Variants in LAMB4 observed in about 807,000 individuals in gnomAD.
The protein encoded by LAMB4 is laminin subunit beta 4, also known as laminin subunit beta-4.
In LAMB4, 196 loss-of-function variants were observed where a neutral mutation model predicts 199.2. The ratio of observed to expected loss-of-function variants is 0.98; its 90% confidence interval spans 0.88 to 1.11. The LOEUF is 1.11. Ranked by LOEUF, LAMB4 falls within the 50% of genes least tolerant of loss-of-function variation. The probability of loss-of-function intolerance (pLI) is 0.00; values close to 1 mark genes in which losing one functional copy is unlikely to be tolerated. For synonymous variants in LAMB4, 744 were observed against 770.6 expected (o/e 0.97, Z 0.57); for missense variants, 2,080 against 2,171.2 (o/e 0.96, Z 0.83).
At chr7:108,111,670 T>C in intron 4 of LAMB4, 141 bp downstream of exon 4, 1 of 641,442 alleles carries the variant, frequency 1.6e-6, no homozygotes, top group Non-Finnish European at 2.6e-6. Flanking sequence ...TGTATTCTTA[T>C]ATGGGTCTCT....
At chr7:108,128,351 C>A (rs1438916347) in intron 1 of LAMB4, among the ~76,000 whole-genome samples, 2 of 152,146 alleles carry the variant, frequency 1.3e-5, no homozygotes, top group African/African-American at 4.8e-5. Context: ...ATGACAGACG[C>A]TACTGGCATT....
chr7:108,117,720 T>C (rs901331735), intron 2 of LAMB4, among the ~76,000 whole-genome samples: 1 of 152,228 alleles, frequency 6.6e-6, no homozygotes, highest in Non-Finnish European at 1.5e-5. Context: ...CAAGGGCTGC[T>C]GGTTGCCCAT....
At position 108,069,761 on chromosome 7, in the gene LAMB4, G is replaced by A. The variant is rs1435003219; in HGVS notation, c.2249C>T (p.Ala750Val). 3.1e-6 allele frequency: 5 copies of A among 1,613,904 alleles called. No homozygotes were observed. The South Asian group carries it at 5.5e-5, about 18-fold the overall frequency. ...SAMGPQVLPG[A>V]CERLIISMSA... ...CATGCTGATGATCAGCCTTTCACAG[G>A]CACCCGGGAGCACTTGAGGTCCCAT... Residue 750 changes from alanine to valine, a missense_variant, in exon 18 of 34, where the codon GCC becomes GTC. Transcript: ENST00000388781.
At chr7:108,120,877 T>C (rs979875177) in intron 2 of LAMB4, among the ~76,000 whole-genome samples, 2 of 152,258 alleles carry the variant, frequency 1.3e-5, no homozygotes, top group African/African-American at 4.8e-5. Flanking sequence ...AACTTGTTTT[T>C]GTCAGAATTT....
At chr7:108,065,414 G>A (rs2150552671) in intron 21 of LAMB4, among the ~76,000 whole-genome samples, 1 of 152,118 alleles carries the variant, frequency 6.6e-6, no homozygotes, top group East Asian at 1.9e-4. Flanking sequence ...TTTTTTAGTT[G>A]CTTGTTATAT....
chr7:108,092,528 T>C (rs1584734915), intron 12 of LAMB4, 112 bp from the exon 13 acceptor site: 2 of 789,052 alleles, frequency 2.5e-6, no homozygotes, highest in Non-Finnish European at 2.2e-6. Context: ...CCAAACAGCC[T>C]GCACCATCTC....
At chr7:108,123,089 G>GA in intron 2 of LAMB4, 42 bp downstream of exon 2, 1 of 1,559,762 alleles carries the variant, frequency 6.4e-7, no homozygotes, top group Non-Finnish European at 8.7e-7. Context: ...AATATTTTAG[G>GA]ACAGCGCAAG....
chr7:108,077,058 C>A lies in LAMB4; in HGVS notation c.2010G>T (p.Met670Ile), dbSNP rs200365401. The A allele has an allele frequency of 1.0e-4, 165 of 1,613,284 alleles. No individual in the cohort carries two copies. Among genetic ancestry groups the A allele is most frequent in the Non-Finnish European group, 1.3e-4 (152 of 1,179,674 alleles). ...CTAAACAGATGGGTGTGGGAAGCAG[C>A]ATGATTCTGTATTAAGAAAGATAAA... ...SFALPAATRI[M>I]LLPTPICLEP... Residue 670 changes from methionine to isoleucine, a missense_variant, in exon 17 of 34, where the codon ATG (methionine) becomes ATT (isoleucine). Coordinates refer to ENST00000388781, the MANE Select transcript of LAMB4 (RefSeq NM_007356.3).
intron 3 of LAMB4, among the ~76,000 whole-genome samples, chr7:108,114,094 C>T (rs530116210): frequency 6.6e-6 from 1 of 152,256 alleles, no homozygotes; most frequent in African/African-American, 2.4e-5. Flanking sequence ...GCTCAGGCAA[C>T]AGTAAGCAAA....
At chr7:108,112,740 C>T (rs1477597786) in intron 3 of LAMB4, among the ~76,000 whole-genome samples, 4 of 152,210 alleles carry the variant, frequency 2.6e-5, no homozygotes, top group Admixed American at 2.6e-4. Context: ...GCAGTTATTC[C>T]TGGCTAATAC....
chr7:108,130,318 G>A lies in LAMB4; in HGVS notation c.-46C>T, dbSNP rs1322324131. ...AGGCAAGACTTACCAGGATCTGGGAGTCTTTGTGGAGAGGTTCAGGCAGCA... is the reference window on the plus strand; with the variant it reads ...AGGCAAGACTTACCAGGATCTGGGAATCTTTGTGGAGAGGTTCAGGCAGCA... On this transcript the variant is annotated 5_prime_UTR_variant, in exon 1 of 34. Transcript: ENST00000388781. 6.6e-6 allele frequency: 1 copy of A among 152,168 alleles called. No homozygotes were observed. The highest frequency in any genetic ancestry group is 1.5e-5 in the Non-Finnish European group (1 of 68,044). The allele number at this position is 152,168 out of a possible 1,614,324, so 9.4% of individuals were successfully genotyped here. A position where few individuals can be genotyped will look rare whatever the true frequency, so the allele number is the denominator to read the frequency against.
intron 11 of LAMB4, among the ~76,000 whole-genome samples, chr7:108,097,339 G>C (rs58228770): frequency 1.3e-5 from 2 of 152,162 alleles, no homozygotes; most frequent in African/African-American, 4.8e-5. Context: ...CTATAGCTAA[G>C]GGTCTGCTCA....
chr7:108,020,282 G>A (rs571596107), downstream of LAMB4, among the ~76,000 whole-genome samples: 8 of 151,978 alleles, frequency 5.3e-5, no homozygotes, highest in East Asian at 1.4e-3. Flanking sequence ...AACCAGCCTG[G>A]CCAACATGGT....
chr7:108,089,165 C>T (rs1181653612), intron 14 of LAMB4, among the ~76,000 whole-genome samples: 2 of 152,108 alleles, frequency 1.3e-5, no homozygotes, highest in Non-Finnish European at 2.9e-5. Flanking sequence ...ATGTAAGTTC[C>T]CTCAATCATC....
At chr7:108,078,951 G>T (rs1331981376) in intron 15 of LAMB4, among the ~76,000 whole-genome samples, 1 of 152,162 alleles carries the variant, frequency 6.6e-6, no homozygotes, top group East Asian at 1.9e-4. Context: ...CCAGAATGTG[G>T]TCCCTAGTGG....
chr7:108,113,868 TG>T (rs1198276963), intron 3 of LAMB4, among the ~76,000 whole-genome samples: 1 of 152,230 alleles, frequency 6.6e-6, no homozygotes, highest in African/African-American at 2.4e-5. Context: ...TCCTCCATGC[TG>T]CGTGAATGTT....
chr7:108,108,819 C>G (rs1248412203), intron 5 of LAMB4, among the ~76,000 whole-genome samples: 1 of 152,008 alleles, frequency 6.6e-6, no homozygotes, highest in South Asian at 2.1e-4. Flanking sequence ...TTTAATTTTT[C>G]TTTCCCCTTG....
At chr7:108,061,454 G>A (rs1430495427) in intron 23 of LAMB4, among the ~76,000 whole-genome samples, 3 of 152,050 alleles carry the variant, frequency 2.0e-5, no homozygotes, top group Non-Finnish European at 4.4e-5. Context: ...GGTATGTTGT[G>A]GGGGCTGGGC....
In LAMB4 at chr7:108,091,722, G is replaced by A. The variant is rs766322148; in HGVS notation, c.1605C>T (p.Ser535=). 1.2e-6 allele frequency: 2 copies of A among 1,614,092 alleles called. No homozygotes were observed. The highest frequency in any genetic ancestry group is 1.7e-5 in the Admixed American group (1 of 60,006). ...CECRPHVTGR[S]CSEPAPGYFF... The stretch of plus-strand genomic sequence containing the variant: ...AGTAGCCAGGGGCTGGTTCAGAGCA[G>A]CTACGGCCAGTGACATGTGGGCGGC... Residue 535 remains serine (S), a synonymous_variant, in exon 14 of 34, where the codon AGC becomes AGT. Coordinates refer to ENST00000388781, the MANE Select transcript of LAMB4 (RefSeq NM_007356.3).
Sources: allele counts gnomAD v4.1 joint callset (sites outside exome capture counted in the v4.1 genomes callset), GRCh38; gene constraint gnomAD v4.1.1; transcripts MANE v1.5; gene names NCBI Gene and HGNC (gene_info 2026-07-23, HGNC 2026-07-21).